Variants in ASB4 observed in about 807,000 individuals in gnomAD.
ASB4 encodes ankyrin repeat and SOCS box protein 4.
A neutral mutation model predicts 38.6 loss-of-function variants in ASB4; 35 were observed. The observed-to-expected ratio is 0.91, with a 90% CI of 0.69 to 1.20. The LOEUF (loss-of-function observed/expected upper bound fraction) is 1.20. ASB4 is among the 50% of genes most tolerant of loss of function. The pLI, the probability that ASB4 is intolerant of heterozygous loss-of-function variation, is 0.00. For missense variants in ASB4, 557 were observed against 527.2 expected (o/e 1.06, Z -0.55); for synonymous variants, 195 against 201.3 (o/e 0.97, Z 0.26).
intron 2 of ASB4, among the ~76,000 whole-genome samples, chr7:95,519,379 CT>C (rs1308747162): frequency 1.3e-5 from 2 of 152,136 alleles, no homozygotes; most frequent in African/African-American, 2.4e-5. Context: ...ATAATTCGTG[CT>C]GTGAGAAGTA....
chr7:95,527,330 G>C (rs1790752313), intron 2 of ASB4, among the ~76,000 whole-genome samples: 1 of 152,156 alleles, frequency 6.6e-6, no homozygotes, highest in Non-Finnish European at 1.5e-5. Context: ...AAGTTTACTT[G>C]CATCAAACTT....
intron 1 of ASB4, among the ~76,000 whole-genome samples, chr7:95,493,213 T>G (rs1790197262): frequency 2.0e-5 from 3 of 152,184 alleles, no homozygotes; most frequent in Admixed American, 2.0e-4. Flanking sequence ...CTCAGAGTGA[T>G]CATACTTTAA....
chr7:95,475,271 A>G (rs1789965846), upstream of ASB4, among the ~76,000 whole-genome samples: 1 of 152,208 alleles, frequency 6.6e-6, no homozygotes, highest in Non-Finnish European at 1.5e-5. Flanking sequence ...GCCAATGACC[A>G]TCTTTCCTTA....
chr7:95,491,401 T>C (rs1790169142), intron 1 of ASB4, among the ~76,000 whole-genome samples: 1 of 152,210 alleles, frequency 6.6e-6, no homozygotes, highest in South Asian at 2.1e-4. Flanking sequence ...CTAGCTCCCA[T>C]GGGCTTGGTT....
Position 95,495,962 on chromosome 7 carries a change from C to T in ASB4, c.392C>T (p.Ala131Val). The part of the protein sequence containing the change: ...DCVKILCDRG[A>V]KLNCYSLSGH... ...GTTAAGATCCTCTGTGATCGTGGGG[C>T]AAAGCTCAATTGCTACTCCTTAAGT... The change falls in exon 2 of 5, where the codon GCA becomes GTA. Residue 131 changes from alanine to valine, a missense_variant. Transcript: ENST00000325885. The T allele has an allele frequency of 1.2e-6, 2 of 1,614,106 alleles. No individual in the cohort carries two copies. Among genetic ancestry groups the T allele is most frequent in the Non-Finnish European group, 8.5e-7 (1 of 1,180,008 alleles).
At position 95,495,749 on chromosome 7, in the gene ASB4, T is replaced by G; in HGVS notation, c.188-9T>G. ...AAACTTTCCTTTTCCTTTTTTTTTT[T>G]TTTTTCAGGTTACTGGTTGCCTAGC... is the stretch of plus-strand genomic sequence containing the variant. On this transcript the variant is annotated splice_polypyrimidine_tract_variant and intron_variant, in intron 1 of 4. Transcript: ENST00000325885. 1 of 1,569,776 alleles carries G rather than the reference T, an allele frequency of 6.4e-7. No individual in the cohort carries two copies. The highest frequency in any genetic ancestry group is 2.2e-5 in the East Asian group (1 of 44,554).
upstream of ASB4, chr7:95,478,347 C>T (rs1414597790): frequency 6.6e-6 from 1 of 152,160 alleles, no homozygotes; most frequent in East Asian, 1.9e-4. Flanking sequence ...AAATGCAGGT[C>T]AGTTGCTAGG....
chr7:95,530,451 C>T (rs112535560), intron 3 of ASB4, among the ~76,000 whole-genome samples: 3 of 151,940 alleles, frequency 2.0e-5, no homozygotes, highest in South Asian at 2.1e-4. Context: ...GGTGACAGAG[C>T]GAGACTCTGT....
rs796336066 is a variant in ASB4, at chr7:95,511,677, A to G, written c.487+15620A>G. Among the ~76,000 whole-genome samples the G allele has an allele frequency of 8.6e-4, 131 of 152,172 alleles. 1 individual carries two copies. Among genetic ancestry groups the G allele is most frequent in the African/African-American group, 3.0e-3 (126 of 41,490 alleles). On this transcript the variant is annotated intron_variant, in intron 2 of 4. Coordinates refer to ENST00000325885, the MANE Select transcript of ASB4 (RefSeq NM_016116.3). ...AACTCCGTCTCAAAAAAAAAAAATA[A>G]ATAAATAAAAATAACAACAGCTGGA...
chr7:95,550,521 T>G, the ASB4 span, among the ~76,000 whole-genome samples: 1 of 152,210 alleles, frequency 6.6e-6, no homozygotes, highest in Non-Finnish European at 1.5e-5. Context: ...AACCTGAAAC[T>G]GTTTCCCTGC....
upstream of ASB4, among the ~76,000 whole-genome samples, chr7:95,482,345 A>C (rs2116568346): frequency 6.6e-6 from 1 of 152,328 alleles, no homozygotes; most frequent in East Asian, 1.9e-4. Context: ...TTTAGGCTAA[A>C]ATTTTAAATT....
intron 1 of ASB4, among the ~76,000 whole-genome samples, chr7:95,494,065 G>A (rs1790212234): frequency 6.6e-6 from 1 of 152,160 alleles, no homozygotes; most frequent in Non-Finnish European, 1.5e-5. Context: ...TTTTTGTGGA[G>A]TTGTGCAATA....
At chr7:95,482,371 AAGCAATGCTTT>A (rs1437517503), upstream of ASB4, among the ~76,000 whole-genome samples, 3 of 152,284 alleles carry the variant, frequency 2.0e-5, no homozygotes, top group Middle Eastern at 3.4e-3. Context: ...CCAGATATTA[AAGCAATGCTTT>A]AAAATTTCAT....
At chr7:95,521,891 A>G (rs1370197507) in intron 2 of ASB4, among the ~76,000 whole-genome samples, 1 of 152,112 alleles carries the variant, frequency 6.6e-6, no homozygotes, top group Admixed American at 6.5e-5. Flanking sequence ...ACCTCTGTGG[A>G]GGAAAAAATT....
chr7:95,476,481 T>C (rs914059288), upstream of ASB4, among the ~76,000 whole-genome samples: 1 of 152,218 alleles, frequency 6.6e-6, no homozygotes, highest in African/African-American at 2.4e-5. Context: ...AAGGAAGATC[T>C]AGAGGACAAG....
chr7:95,471,164 G>A, the ASB4 span, among the ~76,000 whole-genome samples: 1 of 152,112 alleles, frequency 6.6e-6, no homozygotes, highest in South Asian at 2.1e-4. Context: ...GCAGCACCAT[G>A]ACCTAGGGAG....
intron 2 of ASB4, among the ~76,000 whole-genome samples, chr7:95,523,737 T>A (rs546608640): frequency 6.6e-6 from 1 of 152,304 alleles, no homozygotes; most frequent in South Asian, 2.1e-4. Context: ...TAGCATTAAT[T>A]TTAAGATCAA....
intron 2 of ASB4, among the ~76,000 whole-genome samples, chr7:95,512,750 G>A (rs1403983379): frequency 1.3e-5 from 2 of 152,092 alleles, no homozygotes; most frequent in African/African-American, 2.4e-5. Flanking sequence ...AGCTAGAAGG[G>A]GAACTCACAT....
intron 1 of ASB4, among the ~76,000 whole-genome samples, chr7:95,479,911 C>G (rs1790009217): frequency 6.6e-6 from 1 of 152,130 alleles, no homozygotes; most frequent in South Asian, 2.1e-4. Context: ...CTTCCTGTTT[C>G]TTGTCTCAGG....
Sources: allele counts gnomAD v4.1 joint callset (sites outside exome capture counted in the v4.1 genomes callset), GRCh38; gene constraint gnomAD v4.1.1; transcripts MANE v1.5; gene names NCBI Gene and HGNC (gene_info 2026-07-23, HGNC 2026-07-21).